GNG2: variants seen among roughly 807,000 people sequenced by gnomAD.
GNG2 encodes guanine nucleotide-binding protein G(I)/G(S)/G(O) subunit gamma-2.
A neutral mutation model predicts 5.5 loss-of-function variants in GNG2; 5 were observed. The observed-to-expected ratio is 0.91, with a 90% CI of 0.48 to 1.92. The LOEUF is 1.92. GNG2 is among the 30% of genes most tolerant of loss of function. The pLI, the probability that GNG2 is intolerant of heterozygous loss-of-function variation, is 0.01. For missense variants in GNG2, 55 were observed against 88.4 expected, an observed-to-expected ratio of 0.62 and a Z score of 1.52; for synonymous variants, 28 against 32.0, an observed-to-expected ratio of 0.88 and a Z score of 0.42.
intron 1 of GNG2, among the ~76,000 whole-genome samples, chr14:51,874,708 G>T (rs912121085): frequency 6.6e-6 from 1 of 151,418 alleles, no homozygotes; most frequent in African/African-American, 2.4e-5. Flanking sequence ...GCATTCTAGC[G>T]TGGGTGACAG....
chr14:51,925,028 G>GGAT (rs1393685493), intron 2 of GNG2, among the ~76,000 whole-genome samples: 2 of 152,094 alleles, frequency 1.3e-5, no homozygotes, highest in Non-Finnish European at 2.9e-5. Context: ...TACATAGGAG[G>GGAT]GATAAGTTCC....
Position 51,966,965 on chromosome 14 carries a change from C to G in GNG2, c.*278C>G. Reference sequence around the variant, plus strand: ...ACTTCTTTTCTGCTATCCCCCAGCCCCCCCCCCAAAATCCTCATGTTTCTG... The same window carrying G: ...ACTTCTTTTCTGCTATCCCCCAGCCGCCCCCCCAAAATCCTCATGTTTCTG... On this transcript the variant is annotated 3_prime_UTR_variant, in exon 4 of 4. Transcript: ENST00000556766. 5.8e-6 allele frequency: 1 copy of G among 171,104 alleles called. No homozygotes were observed. Among genetic ancestry groups the G allele is most frequent in the South Asian group, 1.9e-4 (1 of 5,400 alleles). 10.6% of individuals were successfully genotyped at this position (171,104 alleles called of 1,614,324 possible).
intron 2 of GNG2, among the ~76,000 whole-genome samples, chr14:51,929,508 C>T (rs1325120382): frequency 6.6e-6 from 1 of 152,112 alleles, no homozygotes; most frequent in African/African-American, 2.4e-5. Flanking sequence ...TTTGCTCCTC[C>T]AAGCAAGGCC....
chr14:51,883,235 A>G (rs2140144661), intron 2 of GNG2, among the ~76,000 whole-genome samples: 1 of 152,334 alleles, frequency 6.6e-6, no homozygotes, highest in East Asian at 1.9e-4. Flanking sequence ...TTAGGACTTT[A>G]AATTTCTTCT....
At chr14:51,935,340 A>G (rs540515577) in intron 2 of GNG2, among the ~76,000 whole-genome samples, 2 of 152,276 alleles carry the variant, frequency 1.3e-5, no homozygotes, top group Non-Finnish European at 2.9e-5. Flanking sequence ...CAGTTTCTTT[A>G]AGCTTACTGC....
intron 3 of GNG2, among the ~76,000 whole-genome samples, chr14:51,953,128 T>G (rs1889083731): frequency 6.6e-6 from 1 of 152,208 alleles, no homozygotes; most frequent in African/African-American, 2.4e-5. Context: ...TTGACTGCAT[T>G]GACTCATTAA....
intron 2 of GNG2, among the ~76,000 whole-genome samples, chr14:51,904,493 C>T (rs891790298): frequency 3.1e-4 from 47 of 152,290 alleles, no homozygotes; most frequent in African/African-American, 8.7e-4. Flanking sequence ...GAGCACCATA[C>T]GGAGATGTTG....
intron 2 of GNG2, among the ~76,000 whole-genome samples, chr14:51,837,773 GAA>G (rs1006173156): frequency 6.6e-6 from 1 of 152,142 alleles, no homozygotes; most frequent in Non-Finnish European, 1.5e-5. Flanking sequence ...TATAGAGGCT[GAA>G]AAAGAAGAAT....
At chr14:51,921,763 A>G (rs1485816145) in intron 2 of GNG2, among the ~76,000 whole-genome samples, 1 of 152,228 alleles carries the variant, frequency 6.6e-6, no homozygotes, top group Non-Finnish European at 1.5e-5. Context: ...TTTTTGCTCT[A>G]CTTAAGCAAC....
chr14:51,908,023 ATC>A (rs1886038404), intron 2 of GNG2, among the ~76,000 whole-genome samples: 1 of 152,226 alleles, frequency 6.6e-6, no homozygotes, highest in South Asian at 2.1e-4. Context: ...AACAACAAAC[ATC>A]TATCTTCTAA....
At chr14:51,838,268 A>T (rs1690292789) in intron 2 of GNG2, among the ~76,000 whole-genome samples, 1 of 152,100 alleles carries the variant, frequency 6.6e-6, no homozygotes, top group African/African-American at 2.4e-5. Flanking sequence ...GCATGGTGAA[A>T]CCCCATCTCT....
intron 2 of GNG2, among the ~76,000 whole-genome samples, chr14:51,832,539 T>C (rs2140071372): frequency 6.6e-6 from 1 of 152,314 alleles, no homozygotes; most frequent in Admixed American, 6.5e-5. Context: ...TAACAAAATA[T>C]CATAGACTGG....
intron 2 of GNG2, among the ~76,000 whole-genome samples, chr14:51,891,433 C>T (rs572232760): frequency 4.3e-4 from 66 of 152,236 alleles, no homozygotes; most frequent in African/African-American, 1.6e-3. Context: ...AAATATCACA[C>T]ATCAAAATAA....
At chr14:51,915,344 T>A (rs1886554560) in intron 2 of GNG2, among the ~76,000 whole-genome samples, 1 of 152,234 alleles carries the variant, frequency 6.6e-6, no homozygotes, top group African/African-American at 2.4e-5. Context: ...AGAGGATGCA[T>A]TTCAGTGTAA....
intron 2 of GNG2, among the ~76,000 whole-genome samples, chr14:51,828,330 TC>T (rs1215717185): frequency 6.6e-6 from 1 of 151,998 alleles, no homozygotes; most frequent in Non-Finnish European, 1.5e-5. Context: ...CCGGATTGTT[TC>T]CCCCAGCAGG....
intron 2 of GNG2, among the ~76,000 whole-genome samples, chr14:51,905,349 T>A (rs1463481881): frequency 3.3e-5 from 5 of 152,232 alleles, no homozygotes; most frequent in Admixed American, 6.5e-5. Flanking sequence ...TAAGGGGGTT[T>A]ATATTTTCTG....
intron 2 of GNG2, among the ~76,000 whole-genome samples, chr14:51,935,216 G>A (rs1277095340): frequency 1.3e-5 from 2 of 151,614 alleles, no homozygotes; most frequent in Admixed American, 1.3e-4. Context: ...CAGTAGAGAC[G>A]GGGTTTCACT....
chr14:51,945,460 T>G (rs1041432156), intron 2 of GNG2, among the ~76,000 whole-genome samples: 2 of 152,202 alleles, frequency 1.3e-5, no homozygotes, highest in Non-Finnish European at 2.9e-5. Context: ...TGATTCCACT[T>G]CTATGAGATA....
chr14:51,910,826 C>T lies in GNG2; in HGVS notation c.-30+33169C>T, dbSNP rs533066754. ...ATTCAGCAAACCTTAATCTGTCTCCCCATTACCCTAAAATGTTCAATGTAA... is the reference window on the plus strand; with the variant it reads ...ATTCAGCAAACCTTAATCTGTCTCCTCATTACCCTAAAATGTTCAATGTAA... On this transcript the variant is annotated intron_variant, in intron 2 of 3. Coordinates refer to ENST00000556766, the MANE Select transcript of GNG2 (RefSeq NM_053064.5). Among the ~76,000 whole-genome samples, 8 of 152,322 alleles carry T rather than the reference C, an allele frequency of 5.3e-5. No individual in the cohort carries two copies. In the South Asian group the frequency reaches 1.0e-3, roughly 20 times the overall value.
Sources: allele counts gnomAD v4.1 joint callset (sites outside exome capture counted in the v4.1 genomes callset), GRCh38; gene constraint gnomAD v4.1.1; transcripts MANE v1.5; gene names NCBI Gene and HGNC (gene_info 2026-07-23, HGNC 2026-07-21).